GLT1D1: variants seen among roughly 807,000 people sequenced by gnomAD.
GLT1D1 encodes glycosyltransferase 1 domain-containing protein 1.
A neutral mutation model predicts 28.7 loss-of-function variants in GLT1D1; 21 were observed. The ratio of observed to expected loss-of-function variants is 0.73; its 90% CI spans 0.52 to 1.05. The LOEUF (loss-of-function observed/expected upper bound fraction) is 1.05, where lower values mean the gene tolerates loss of function less well. Ranked by LOEUF, GLT1D1 falls within the 50% of genes least tolerant of loss-of-function variation. GLT1D1 has a pLI of 0.00. For synonymous variants in GLT1D1, 147 were observed against 124.8 expected (o/e 1.18, Z -1.19); for missense variants, 343 against 330.6 (o/e 1.04, Z -0.29).
intron 2 of GLT1D1, among the ~76,000 whole-genome samples, chr12:128,885,397 A>G (rs1957153224): frequency 6.6e-6 from 1 of 151,542 alleles, no homozygotes; most frequent in Admixed American, 6.6e-5. Flanking sequence ...TAATTTTTGT[A>G]TTTTTAGTAG....
At chr12:128,947,992 G>T (rs940452285) in intron 6 of GLT1D1, among the ~76,000 whole-genome samples, 1 of 152,074 alleles carries the variant, frequency 6.6e-6, no homozygotes, top group African/African-American at 2.4e-5. Context: ...CTATAAAATC[G>T]CTTCATCTTT....
intron 4 of GLT1D1, among the ~76,000 whole-genome samples, chr12:128,919,578 A>G (rs1264321702): frequency 6.6e-6 from 1 of 152,226 alleles, no homozygotes; most frequent in Non-Finnish European, 1.5e-5. Flanking sequence ...GCTTACCATT[A>G]TCTCACATAC....
chr12:128,906,050 G>A (rs746974149), intron 4 of GLT1D1, among the ~76,000 whole-genome samples: 3 of 151,660 alleles, frequency 2.0e-5, no homozygotes, highest in Non-Finnish European at 2.9e-5. Context: ...GCGTTGCCCA[G>A]GCTACTCTTG....
chr12:128,945,262 C>T, intron 4 of GLT1D1, 64 bp from the exon 9 acceptor site: 3 of 1,547,686 alleles, frequency 1.9e-6, no homozygotes, highest in Non-Finnish European at 2.7e-6. Context: ...CTGGCCCGTG[C>T]TGGCCGGCTG....
intron 4 of GLT1D1, 150 bp downstream of exon 6, chr12:128,915,139 T>G: frequency 1.6e-6 from 1 of 636,316 alleles, no homozygotes; most frequent in Non-Finnish European, 2.7e-6. Flanking sequence ...TGAGTAGTTT[T>G]ATCCTTTTGA....
chr12:128,943,355 C>CTCTTT lies in GLT1D1; in HGVS notation c.376-1970_376-1969insCTTTT, dbSNP rs1555272711. On this transcript the variant is annotated intron_variant, in intron 4 of 7. Transcript: ENST00000281703. ...GTGCCACAGGTTTTCTCTTTTCTCT[C>CTCTTT]TTTTTTTTTTTTGGCAGGGAGTGGC... Among the ~76,000 whole-genome samples, 657 of 144,844 alleles carry CTCTTT rather than the reference C, an allele frequency of 4.5e-3. 3 individuals are homozygous for CTCTTT. Among genetic ancestry groups the CTCTTT allele is most frequent in the African/African-American group, 0.016 (619 of 39,676 alleles).
chr12:128,871,880 G>A (rs139859728), intron 1 of GLT1D1, among the ~76,000 whole-genome samples: 18 of 152,088 alleles, frequency 1.2e-4, no homozygotes, highest in Non-Finnish European at 2.5e-4. Context: ...CTTGAACTTT[G>A]TTCTATAGTA....
At chr12:128,946,593 A>G (rs1475344374) in intron 5 of GLT1D1, among the ~76,000 whole-genome samples, 1 of 146,966 alleles carries the variant, frequency 6.8e-6, no homozygotes, top group East Asian at 2.0e-4. Flanking sequence ...TTGGCCTCCT[A>G]AAGTGCTGGG....
intron 1 of GLT1D1, among the ~76,000 whole-genome samples, chr12:128,857,669 C>T (rs913790004): frequency 1.3e-5 from 2 of 152,154 alleles, no homozygotes; most frequent in African/African-American, 4.8e-5. Flanking sequence ...ACCCCGGAGA[C>T]CACCTTCAAC....
At chr12:128,865,891 G>T (rs773241004) in intron 1 of GLT1D1, among the ~76,000 whole-genome samples, 17 of 151,958 alleles carry the variant, frequency 1.1e-4, no homozygotes, top group Non-Finnish European at 2.4e-4. Context: ...AAACAATACA[G>T]CAGAACAACT....
chr12:128,964,644 G>A (rs1878284074), intron 7 of GLT1D1, among the ~76,000 whole-genome samples: 2 of 152,188 alleles, frequency 1.3e-5, no homozygotes, highest in Non-Finnish European at 2.9e-5. Flanking sequence ...GGACCTGTGG[G>A]AGAACTGAAG....
intron 7 of GLT1D1, among the ~76,000 whole-genome samples, chr12:128,977,737 C>T (rs1478788803): frequency 3.3e-5 from 5 of 151,428 alleles, no homozygotes; most frequent in Non-Finnish European, 5.9e-5. Flanking sequence ...TTAGCGTCTG[C>T]CCTCTATAAT....
intron 2 of GLT1D1, 62 bp downstream of exon 2, chr12:128,876,124 A>G: frequency 7.0e-7 from 1 of 1,433,692 alleles, no homozygotes; most frequent in East Asian, 2.3e-5. Flanking sequence ...AGTGCCTGTA[A>G]TGTCCAATAA....
At chr12:128,947,715 G>T (rs1876274263) in intron 6 of GLT1D1, among the ~76,000 whole-genome samples, 4 of 152,164 alleles carry the variant, frequency 2.6e-5, no homozygotes. Context: ...TTGCCTCTCT[G>T]ACCTTCTAAA....
At chr12:128,919,293 G>A (rs1343056524) in intron 4 of GLT1D1, among the ~76,000 whole-genome samples, 4 of 152,154 alleles carry the variant, frequency 2.6e-5, no homozygotes, top group African/African-American at 9.7e-5. Flanking sequence ...GACACTATTA[G>A]TGATCAGATA....
rs566021579 is a variant in GLT1D1, at chr12:128,896,682, C to T, written c.324-2554C>T. Among the ~76,000 whole-genome samples the T allele has an allele frequency of 1.1e-4, 16 of 150,314 alleles. No individual in the cohort carries two copies. The East Asian group carries it at 2.0e-3, about 19-fold the overall frequency. Reference sequence around the variant, plus strand: ...GCAACCTCCGCCTCCCAGGTTCAAGCGGTCCCCCTGCCTCAGCGTACCGAG... The same window carrying T: ...GCAACCTCCGCCTCCCAGGTTCAAGTGGTCCCCCTGCCTCAGCGTACCGAG... On this transcript the variant is annotated intron_variant, in intron 3 of 7. Coordinates refer to ENST00000281703, the MANE Select transcript of GLT1D1 (RefSeq NM_144669.3).
At chr12:128,982,049 G>C (rs1226258666) in intron 7 of GLT1D1, among the ~76,000 whole-genome samples, 2 of 152,068 alleles carry the variant, frequency 1.3e-5, no homozygotes, top group African/African-American at 4.8e-5. Context: ...AATCCTGAAG[G>C]GCTTTGATAT....
chr12:128,940,612 A>G (rs1213818575), intron 4 of GLT1D1, among the ~76,000 whole-genome samples: 1 of 152,138 alleles, frequency 6.6e-6, no homozygotes, highest in East Asian at 1.9e-4. Flanking sequence ...AAGTTTGAAC[A>G]TGTTGCTATT....
chr12:128,951,326 C>T (rs1287702000), intron 6 of GLT1D1, among the ~76,000 whole-genome samples: 1 of 152,152 alleles, frequency 6.6e-6, no homozygotes, highest in Non-Finnish European at 1.5e-5. Context: ...TTGCTGGAAC[C>T]TGGTAGGCGA....
Sources: gnomAD v4.1 joint callset for allele counts (sites outside exome capture counted in the v4.1 genomes callset) on GRCh38, gnomAD v4.1.1 for gene constraint, MANE v1.5 for transcripts, NCBI Gene and HGNC (gene_info 2026-07-23, HGNC 2026-07-21) for gene names.